The following KCNH1 variants were observed in gnomAD, a reference collection of about 807,000 sequenced individuals.
KCNH1 encodes the protein voltage-gated delayed rectifier potassium channel KCNH1.
KCNH1 carries 27 observed loss-of-function variants against 69.2 expected under a neutral mutation model. That is an observed-to-expected ratio of 0.39 (90% CI 0.29 to 0.54). The LOEUF is 0.54. Ranked by LOEUF, KCNH1 falls within the 20% of genes least tolerant of loss-of-function variation. The pLI is 0.68. For synonymous variants in KCNH1, 456 were observed against 487.7 expected (o/e 0.93, Z 0.86); for missense variants, 798 against 1,261.6 (o/e 0.63, Z 5.57).
intron 6 of KCNH1, among the ~76,000 whole-genome samples, chr1:210,959,587 T>A (rs1352461050): frequency 6.6e-6 from 1 of 152,158 alleles, no homozygotes; most frequent in African/African-American, 2.4e-5. Flanking sequence ...CCACTTTATT[T>A]ACCTACTCAA....
intron 10 of KCNH1, among the ~76,000 whole-genome samples, chr1:210,765,963 T>C (rs1683622063): frequency 6.6e-6 from 1 of 151,932 alleles, no homozygotes; most frequent in Non-Finnish European, 1.5e-5. Context: ...GTCGGGAGGC[T>C]GAGGCAGGAG....
chr1:211,030,528 C>G (rs1253275156), intron 5 of KCNH1, among the ~76,000 whole-genome samples: 1 of 152,110 alleles, frequency 6.6e-6, no homozygotes, highest in African/African-American at 2.4e-5. Flanking sequence ...TTTTAACAAA[C>G]GGCATGGGAA....
Position 210,788,690 on chromosome 1 carries a change from T to C in KCNH1, c.1915+8818A>G, listed in dbSNP as rs1231896206. ...ATTCATATTATAGCTTCTTTCTTTT[T>C]TTTTTTTTTTTTTTTTTTTTTTTTG... On this transcript the variant is annotated intron_variant, in intron 9 of 10. Coordinates refer to ENST00000271751, the MANE Select transcript of KCNH1 (RefSeq NM_172362.3). Among the ~76,000 whole-genome samples the C allele has an allele frequency of 2.3e-4, 17 of 73,154 alleles. No individual in the cohort carries two copies. In the East Asian group the frequency reaches 2.7e-3, roughly 11 times the overall value. The allele number at this position is 73,154 out of a possible 152,430, so 48.0% of individuals were successfully genotyped here.
intron 6 of KCNH1, among the ~76,000 whole-genome samples, chr1:210,952,703 A>T (rs917194062): frequency 7.9e-5 from 12 of 152,028 alleles, no homozygotes; most frequent in African/African-American, 2.9e-4. Flanking sequence ...AAAAAAAATC[A>T]CATAAACCTG....
At chr1:210,941,027 T>C (rs1021284329) in intron 6 of KCNH1, among the ~76,000 whole-genome samples, 1 of 152,198 alleles carries the variant, frequency 6.6e-6, no homozygotes, top group Non-Finnish European at 1.5e-5. Flanking sequence ...TCTATAGGCA[T>C]GTTTGGCACT....
chr1:210,969,221 A>C (rs4951693), intron 6 of KCNH1, among the ~76,000 whole-genome samples: 44,811 of 151,804 alleles, frequency 0.3, 7,752 homozygotes, highest in East Asian at 0.46. Flanking sequence ...GTTAACCTAT[A>C]ATTTTACTTT....
intron 6 of KCNH1, among the ~76,000 whole-genome samples, chr1:211,016,922 A>AATAAT (rs139001420): frequency 1.4e-5 from 2 of 146,492 alleles, no homozygotes; most frequent in Admixed American, 6.9e-5. Context: ...AAAAAAAAAA[A>AATAAT]TTTTAAAATT....
chr1:210,769,388 C>G (rs1446927869), intron 10 of KCNH1, among the ~76,000 whole-genome samples: 1 of 152,166 alleles, frequency 6.6e-6, no homozygotes, highest in East Asian at 1.9e-4. Flanking sequence ...CAAGACAGTT[C>G]ACTATGGCAA....
At chr1:210,845,624 A>T (rs1685525824) in intron 7 of KCNH1, among the ~76,000 whole-genome samples, 1 of 152,200 alleles carries the variant, frequency 6.6e-6, no homozygotes, top group African/African-American at 2.4e-5. Flanking sequence ...CCAATATCAC[A>T]CTGAATGGGC....
At chr1:211,120,960 G>A (rs374137475) in intron 1 of KCNH1, among the ~76,000 whole-genome samples, 1 of 152,016 alleles carries the variant, frequency 6.6e-6, no homozygotes, top group Non-Finnish European at 1.5e-5. Flanking sequence ...AAATACCTAG[G>A]AATACAGCTA....
At chr1:210,827,197 G>C (rs952264512) in intron 7 of KCNH1, among the ~76,000 whole-genome samples, 1 of 152,062 alleles carries the variant, frequency 6.6e-6, no homozygotes, top group African/African-American at 2.4e-5. Flanking sequence ...TTAGCCAGGC[G>C]TGGTGGCGGG....
At chr1:210,706,441 T>TAAAA (rs1306218596) in intron 10 of KCNH1, among the ~76,000 whole-genome samples, 1 of 152,204 alleles carries the variant, frequency 6.6e-6, no homozygotes, top group African/African-American at 2.4e-5. Flanking sequence ...GAAAGTCAAA[T>TAAAA]AAAACTGACC....
At chr1:210,782,844 C>G (rs1039011347) in intron 9 of KCNH1, among the ~76,000 whole-genome samples, 1 of 152,200 alleles carries the variant, frequency 6.6e-6, no homozygotes, top group Non-Finnish European at 1.5e-5. Context: ...GAAAGTGAAC[C>G]CTCACAGGAC....
At chr1:210,696,800 T>C (rs1307920497) in intron 10 of KCNH1, among the ~76,000 whole-genome samples, 1 of 152,202 alleles carries the variant, frequency 6.6e-6, no homozygotes, top group Non-Finnish European at 1.5e-5. Context: ...TTCCTAAAGC[T>C]TTCAGAGAAC....
chr1:210,726,819 G>A (rs1682607145), intron 10 of KCNH1, among the ~76,000 whole-genome samples: 4 of 152,072 alleles, frequency 2.6e-5, no homozygotes, highest in Admixed American at 2.0e-4. Context: ...GCGGGGGTGG[G>A]GTGGACTACT....
chr1:210,768,190 GT>G (rs571676289), intron 10 of KCNH1, among the ~76,000 whole-genome samples: 76 of 152,256 alleles, frequency 5.0e-4, no homozygotes, highest in African/African-American at 1.7e-3. Context: ...TGATTTTATT[GT>G]CATCATCCTT....
chr1:210,709,694 A>G (rs1019807356), intron 10 of KCNH1, among the ~76,000 whole-genome samples: 6 of 149,886 alleles, frequency 4.0e-5, no homozygotes, highest in African/African-American at 1.5e-4. Flanking sequence ...ATATACAAAG[A>G]GAGAAAAAGA....
chr1:211,065,414 T>C (rs988448181), intron 5 of KCNH1, among the ~76,000 whole-genome samples: 2 of 152,174 alleles, frequency 1.3e-5, no homozygotes, highest in African/African-American at 4.8e-5. Context: ...ATCTCGCTTG[T>C]ATGTGGAACC....
intron 7 of KCNH1, among the ~76,000 whole-genome samples, chr1:210,901,521 G>A (rs775427106): frequency 2.6e-5 from 4 of 152,192 alleles, no homozygotes; most frequent in Non-Finnish European, 5.9e-5. Context: ...GCTCTGCACT[G>A]TTCCCATGAG....
Sources: allele counts gnomAD v4.1 joint callset (sites outside exome capture counted in the v4.1 genomes callset), GRCh38; gene constraint gnomAD v4.1.1; transcripts MANE v1.5; gene names NCBI Gene and HGNC (gene_info 2026-07-23, HGNC 2026-07-21).